The following STRBP variants were observed in gnomAD, a reference collection of about 807,000 sequenced individuals.
STRBP encodes spermatid perinuclear RNA-binding protein.
STRBP carries 13 observed loss-of-function variants against 80.1 expected under a neutral mutation model. The observed-to-expected ratio is 0.16, with a 90% CI of 0.11 to 0.26. STRBP has a LOEUF of 0.26. Among genes scored for constraint, STRBP ranks in the 10% least tolerant of loss-of-function variants. The pLI, the probability that STRBP is intolerant of heterozygous loss-of-function variation, is 1.00. For synonymous variants in STRBP, 284 were observed against 291.2 expected (o/e 0.98, Z 0.25); for missense variants, 485 against 815.2 (o/e 0.59, Z 4.93).
chr9:123,245,944 T>A (rs755258942), intron 1 of STRBP, among the ~76,000 whole-genome samples: 3 of 152,154 alleles, frequency 2.0e-5, no homozygotes, highest in African/African-American at 7.2e-5. Flanking sequence ...AGAAAGACAA[T>A]AGTTCATTAT....
intron 18 of STRBP, among the ~76,000 whole-genome samples, chr9:123,127,305 C>T (rs920714345): frequency 6.6e-6 from 1 of 152,160 alleles, no homozygotes; most frequent in Non-Finnish European, 1.5e-5. Context: ...AGGTCTGAGG[C>T]TCATGTAGAG....
intron 13 of STRBP, among the ~76,000 whole-genome samples, chr9:123,143,642 A>AT (rs1014805619): frequency 1.1e-4 from 16 of 152,338 alleles, no homozygotes; most frequent in East Asian, 1.9e-4. Flanking sequence ...ATTCCAATGC[A>AT]TTTTTTTAAC....
chr9:123,235,332 T>G (rs544152892), intron 2 of STRBP, among the ~76,000 whole-genome samples: 2 of 150,756 alleles, frequency 1.3e-5, no homozygotes, highest in South Asian at 4.2e-4. Flanking sequence ...AATATGTGTA[T>G]GTTAAAATAA....
chr9:123,174,143 A>C (rs1437079018), intron 4 of STRBP, among the ~76,000 whole-genome samples: 1 of 152,230 alleles, frequency 6.6e-6, no homozygotes, highest in Admixed American at 6.5e-5. Context: ...TGTTCTTTTA[A>C]ATTTCCTTCT....
chr9:123,182,007 G>C (rs2038486799), intron 3 of STRBP, among the ~76,000 whole-genome samples: 1 of 151,214 alleles, frequency 6.6e-6, no homozygotes, highest in South Asian at 2.1e-4. Flanking sequence ...CAGAGGTCAG[G>C]AGTTCAAGAC....
intron 2 of STRBP, among the ~76,000 whole-genome samples, chr9:123,205,161 G>C (rs527295802): frequency 1.3e-5 from 2 of 152,044 alleles, no homozygotes; most frequent in Non-Finnish European, 2.9e-5. Context: ...AGCTACTTGA[G>C]AGGCTGAGGC....
rs143838814 is a variant in STRBP at position 123,267,513 on chromosome 9, G to A, written c.-302+923C>T. ...CATGTCAACCCCCTCCCGCCTCCCTGCAGGCTCCCCTATACACCTGGCCAC... is the reference window on the plus strand; with the variant it reads ...CATGTCAACCCCCTCCCGCCTCCCTACAGGCTCCCCTATACACCTGGCCAC... On this transcript the variant is annotated intron_variant, in intron 1 of 18. Transcript: ENST00000348403. 7.0e-3 allele frequency among the ~76,000 whole-genome samples: 1,049 copies of A among 150,280 alleles called. 12 individuals are homozygous for A. The highest frequency in any genetic ancestry group is 0.025 in the African/African-American group (1,012 of 40,748).
At chr9:123,168,127 A>G in intron 6 of STRBP, 2 of 713,502 alleles carry the variant, frequency 2.8e-6, no homozygotes, top group Non-Finnish European at 3.4e-6. Context: ...AATACCTATA[A>G]TTACAACACT....
At chr9:123,256,828 C>T (rs189241087) in intron 1 of STRBP, among the ~76,000 whole-genome samples, 300 of 152,124 alleles carry the variant, frequency 2.0e-3, no homozygotes, top group African/African-American at 7.0e-3. Flanking sequence ...ACCAGAGCAC[C>T]CAGAGAAAAC....
intron 13 of STRBP, among the ~76,000 whole-genome samples, chr9:123,144,872 T>G (rs2036747664): frequency 6.6e-6 from 1 of 152,206 alleles, no homozygotes; most frequent in African/African-American, 2.4e-5. Flanking sequence ...CACTTAAGAC[T>G]GACAGCTAGT....
In STRBP at chr9:123,146,939, G is replaced by A; in HGVS notation, c.1254C>T (p.Phe418=). The change falls in exon 13 of 19, where the codon TTC becomes TTT. Residue 418 remains phenylalanine, a synonymous_variant. Coordinates refer to ENST00000348403, the MANE Select transcript of STRBP (RefSeq NM_018387.5). ...TGCCATCCACATCTACAGACATTGT[G>A]AAGACTGGGGCATGAACGGGGCCAG... ...SQSGPVHAPV[F]TMSVDVDGTT... 4 of 1,614,086 alleles carry A rather than the reference G, an allele frequency of 2.5e-6. No homozygotes were observed. The highest frequency in any genetic ancestry group is 2.2e-5 in the South Asian group (2 of 91,074).
Position 123,132,796 on chromosome 9 carries a change from G to A in STRBP, c.1897+49C>T, listed in dbSNP as rs748616194. 3.1e-6 allele frequency: 5 copies of A among 1,604,322 alleles called. No individual in the cohort carries two copies. The African/African-American group carries it at 5.4e-5, about 17-fold the overall frequency. On this transcript the variant is annotated intron_variant, in intron 17 of 18. Transcript: ENST00000348403. ...GAAAATGCAGGAGATGCTATTCTTTGAATTTCGGCCCAGTAAAGGGGGCCA... is the reference window on the plus strand; with the variant it reads ...GAAAATGCAGGAGATGCTATTCTTTAAATTTCGGCCCAGTAAAGGGGGCCA...
rs763727819 is a variant in STRBP at position 123,173,735 on chromosome 9, T to A, written c.332A>T (p.Asp111Val). 1 of 1,613,998 alleles carries A rather than the reference T, an allele frequency of 6.2e-7. No homozygotes were observed. Among genetic ancestry groups the A allele is most frequent in the South Asian group, 1.1e-5 (1 of 91,060 alleles). The change falls in exon 5 of 19, where the codon GAC (aspartate) becomes GTC (valine). Residue 111 changes from aspartate (D) to valine (V), a missense_variant. By Grantham distance (152) the Asp-to-Val change is radical. Around this residue, in one of 3 missense-constraint regions of STRBP, gnomAD observed 377 missense variants for 616.1 expected, o/e 0.61. Coordinates refer to ENST00000348403, the MANE Select transcript of STRBP (RefSeq NM_018387.5). ...ATTTAACAGGGTCTCTGTGGGTTTG[T>A]CTTTGCACATTAAAACCAGCTCCAA... Reference protein sequence around the residue: ...MDLELVLMCKDKPTETLLNTV... With the variant: ...MDLELVLMCKVKPTETLLNTV...
intron 1 of STRBP, among the ~76,000 whole-genome samples, chr9:123,254,981 T>C (rs980602516): frequency 2.0e-5 from 3 of 152,194 alleles, no homozygotes; most frequent in Non-Finnish European, 4.4e-5. Context: ...TTTTCAACTA[T>C]TAAAAAATGC....
chr9:123,217,539 C>A (rs969619932), intron 2 of STRBP, among the ~76,000 whole-genome samples: 1 of 152,162 alleles, frequency 6.6e-6, no homozygotes, highest in African/African-American at 2.4e-5. Context: ...AACCTAAGAA[C>A]AGCACCATGT....
chr9:123,173,604 T>A, intron 5 of STRBP, 73 bp downstream of exon 5: 1 of 1,495,032 alleles, frequency 6.7e-7, no homozygotes, highest in East Asian at 2.3e-5. Context: ...TTCTGGTTAA[T>A]AATTTTTTCA....
chr9:123,210,824 G>A (rs542011826), intron 2 of STRBP, among the ~76,000 whole-genome samples: 10 of 101,462 alleles, frequency 9.9e-5, no homozygotes, highest in African/African-American at 5.2e-4. Flanking sequence ...GCAAGAATCC[G>A]TTTCAAAAAA....
chr9:123,191,177 A>G (rs1439303709), intron 2 of STRBP, among the ~76,000 whole-genome samples: 1 of 152,244 alleles, frequency 6.6e-6, no homozygotes. Context: ...GCAACAGAGT[A>G]AGCACACACA....
At chr9:123,229,805 ACTGT>A (rs1380631181) in intron 2 of STRBP, among the ~76,000 whole-genome samples, 1 of 152,168 alleles carries the variant, frequency 6.6e-6, no homozygotes, top group Non-Finnish European at 1.5e-5. Flanking sequence ...TAATCAAACA[ACTGT>A]CTAACAGAGT....
Sources: gnomAD v4.1 joint callset for allele counts (sites outside exome capture counted in the v4.1 genomes callset) on GRCh38, gnomAD v4.1.1 for gene constraint, gnomAD v4.1.1 regional missense constraint, MANE v1.5 for transcripts, NCBI Gene and HGNC (gene_info 2026-07-23, HGNC 2026-07-21) for gene names.